Variants in MCTP1 observed in about 807,000 individuals in gnomAD.
MCTP1 encodes the protein multiple C2 and transmembrane domain-containing protein 1.
MCTP1 carries 69 observed loss-of-function variants against 120.6 expected under a neutral mutation model. The ratio of observed to expected loss-of-function variants is 0.57; its 90% confidence interval spans 0.47 to 0.70. The LOEUF is 0.70. Among genes scored for constraint, MCTP1 ranks in the 30% least tolerant of loss-of-function variants. The pLI is 0.00. For missense variants in MCTP1, 1,203 were observed against 1,248.8 expected (o/e 0.96, Z 0.55); for synonymous variants, 529 against 493.1 (o/e 1.07, Z -0.96).
intron 1 of MCTP1, among the ~76,000 whole-genome samples, chr5:95,207,925 G>C (rs190419449): frequency 8.6e-6 from 1 of 116,062 alleles, no homozygotes; most frequent in African/African-American, 3.1e-5. Flanking sequence ...AAGAATGAGC[G>C]GGCGAGAGAG....
At chr5:94,835,608 C>T (rs1440938646) in intron 17 of MCTP1, among the ~76,000 whole-genome samples, 1 of 152,214 alleles carries the variant, frequency 6.6e-6, no homozygotes, top group Non-Finnish European at 1.5e-5. Context: ...AAAAGGGTTG[C>T]TTCTGGCAGT....
chr5:94,752,368 T>C (rs1768691848), intron 19 of MCTP1, among the ~76,000 whole-genome samples: 1 of 151,842 alleles, frequency 6.6e-6, no homozygotes, highest in African/African-American at 2.4e-5. Context: ...CTGCAGCTGA[T>C]CAGCTTGACC....
At chr5:95,156,262 A>G (rs549884989) in intron 1 of MCTP1, among the ~76,000 whole-genome samples, 1 of 152,204 alleles carries the variant, frequency 6.6e-6, no homozygotes, top group Non-Finnish European at 1.5e-5. Context: ...TAAGTTGCTA[A>G]GTGGTAATTT....
intron 1 of MCTP1, among the ~76,000 whole-genome samples, chr5:95,032,299 G>T (rs1840448984): frequency 6.6e-6 from 1 of 152,070 alleles, no homozygotes; most frequent in Non-Finnish European, 1.5e-5. Context: ...ATTCTCATCT[G>T]TGCATGGAAC....
intron 20 of MCTP1, among the ~76,000 whole-genome samples, chr5:94,712,209 G>T (rs1024226293): frequency 2.0e-5 from 3 of 152,074 alleles, no homozygotes; most frequent in Non-Finnish European, 2.9e-5. Flanking sequence ...ATTCTGTCAA[G>T]GAAGACTGGT....
At chr5:94,749,420 C>T (rs966655546) in intron 19 of MCTP1, among the ~76,000 whole-genome samples, 8 of 152,120 alleles carry the variant, frequency 5.3e-5, no homozygotes, top group African/African-American at 1.9e-4. Context: ...TTTGGGGGGC[C>T]AAGGTAGACA....
intron 1 of MCTP1, among the ~76,000 whole-genome samples, chr5:95,126,153 G>C (rs1170238832): frequency 6.6e-6 from 1 of 152,156 alleles, no homozygotes; most frequent in Non-Finnish European, 1.5e-5. Context: ...GAAACTAACA[G>C]AATCTCTCAC....
intron 1 of MCTP1, among the ~76,000 whole-genome samples, chr5:95,194,113 G>T (rs531591302): frequency 3.3e-4 from 51 of 152,282 alleles, no homozygotes; most frequent in African/African-American, 1.2e-3. Context: ...CTCCTCGGGA[G>T]GTTGAGGCAG....
intron 3 of MCTP1, among the ~76,000 whole-genome samples, chr5:94,951,420 G>T (rs1581525333): frequency 1.3e-5 from 2 of 152,156 alleles, no homozygotes; most frequent in Admixed American, 1.3e-4. Context: ...ACAGTCACAT[G>T]GTTCTTTCAT....
intron 12 of MCTP1, 74 bp from the exon 13 acceptor site, chr5:94,873,315 A>C (rs1798176479): frequency 2.5e-6 from 2 of 811,966 alleles, no homozygotes; most frequent in East Asian, 5.2e-5. Flanking sequence ...TCATGACCAT[A>C]TCTCTTTTGC....
intron 1 of MCTP1, among the ~76,000 whole-genome samples, chr5:95,159,748 T>C (rs1313979067): frequency 2.6e-5 from 4 of 152,064 alleles, no homozygotes; most frequent in Non-Finnish European, 5.9e-5. Flanking sequence ...CTGGAAGATG[T>C]TCCATACAGT....
At chr5:95,093,207 A>T (rs1411691055) in intron 1 of MCTP1, among the ~76,000 whole-genome samples, 2 of 152,182 alleles carry the variant, frequency 1.3e-5, no homozygotes, top group African/African-American at 2.4e-5. Context: ...TTGTTTTTTA[A>T]TGGAAGACAA....
chr5:95,026,323 T>C (rs926026200), intron 1 of MCTP1, among the ~76,000 whole-genome samples: 14 of 152,138 alleles, frequency 9.2e-5, no homozygotes, highest in African/African-American at 3.4e-4. Context: ...TTTAGTACTT[T>C]AAAATGTACA....
intron 1 of MCTP1, among the ~76,000 whole-genome samples, chr5:95,126,686 A>G (rs1463130041): frequency 6.6e-6 from 1 of 152,176 alleles, no homozygotes; most frequent in Non-Finnish European, 1.5e-5. Context: ...AAATTCTGGG[A>G]TCATGCTATA....
At chr5:95,027,645 T>C (rs7730096) in intron 1 of MCTP1, among the ~76,000 whole-genome samples, 103,694 of 151,946 alleles carry the variant, frequency 0.68, 38,067 homozygotes, top group Non-Finnish European at 0.83. Flanking sequence ...GTAATGACAA[T>C]ATTGGACAGG....
intron 1 of MCTP1, among the ~76,000 whole-genome samples, chr5:95,102,604 A>C (rs1395844715): frequency 6.6e-6 from 1 of 152,202 alleles, no homozygotes; most frequent in African/African-American, 2.4e-5. Context: ...GTTCTGTGCT[A>C]AATACTAGGA....
chr5:95,032,329 A>G (rs1222377139), intron 1 of MCTP1, among the ~76,000 whole-genome samples: 1 of 152,150 alleles, frequency 6.6e-6, no homozygotes, highest in Non-Finnish European at 1.5e-5. Flanking sequence ...AATTGACCAC[A>G]TGCTTCGTCA....
intron 1 of MCTP1, among the ~76,000 whole-genome samples, chr5:95,190,358 C>T (rs1749691508): frequency 6.6e-6 from 1 of 152,038 alleles, no homozygotes. Flanking sequence ...GCCTGAGATG[C>T]TAAATATAAA....
intron 2 of MCTP1, among the ~76,000 whole-genome samples, chr5:94,982,819 G>A (rs533658591): frequency 7.0e-5 from 10 of 142,294 alleles, no homozygotes; most frequent in Non-Finnish European, 1.2e-4. Context: ...AACCTGGGAG[G>A]AAGAGGCTGC....
Sources: allele counts gnomAD v4.1 joint callset (sites outside exome capture counted in the v4.1 genomes callset), GRCh38; gene constraint gnomAD v4.1.1; transcripts MANE v1.5; gene names NCBI Gene and HGNC (gene_info 2026-07-23, HGNC 2026-07-21).